GLP2R: variants seen among roughly 807,000 people sequenced by gnomAD.
The protein encoded by GLP2R is glucagon-like peptide 2 receptor.
GLP2R carries 59 observed loss-of-function variants against 68.2 expected under a neutral mutation model. The observed-to-expected ratio is 0.87, with a 90% confidence interval of 0.70 to 1.07. The LOEUF (loss-of-function observed/expected upper bound fraction) is 1.07, where lower values mean the gene tolerates loss of function less well. Ranked by LOEUF, GLP2R falls within the 50% of genes least tolerant of loss-of-function variation. GLP2R has a pLI of 0.00. For synonymous variants in GLP2R, 270 were observed against 265.4 expected, an observed-to-expected ratio of 1.02 and a Z score of -0.17; for missense variants, 548 against 677.4, an observed-to-expected ratio of 0.81 and a Z score of 2.12.
chr17:9,829,343 G>A (rs1192890682), intron 1 of GLP2R, among the ~76,000 whole-genome samples: 1 of 148,118 alleles, frequency 6.8e-6, no homozygotes, highest in Non-Finnish European at 1.5e-5. Flanking sequence ...TTTTTTTGGT[G>A]AGGGTAGACA....
intron 6 of GLP2R, among the ~76,000 whole-genome samples, chr17:9,859,655 A>G (rs1459124091): frequency 6.8e-6 from 1 of 148,016 alleles, no homozygotes; most frequent in Non-Finnish European, 1.5e-5. Flanking sequence ...ATATATATAC[A>G]TACATATACA....
chr17:9,836,014 G>A (rs2066726498), intron 2 of GLP2R, among the ~76,000 whole-genome samples: 1 of 140,746 alleles, frequency 7.1e-6, no homozygotes, highest in Admixed American at 7.6e-5. Context: ...ACTCCAGCCT[G>A]GGCAATACAG....
At chr17:9,847,867 C>T (rs1215641924) in intron 4 of GLP2R, among the ~76,000 whole-genome samples, 3 of 152,128 alleles carry the variant, frequency 2.0e-5, no homozygotes, top group Admixed American at 6.5e-5. Context: ...CCTAATCTTC[C>T]ATCAAGGCGC....
intron 1 of GLP2R, among the ~76,000 whole-genome samples, chr17:9,829,934 C>T (rs778115698): frequency 1.7e-4 from 26 of 152,192 alleles, no homozygotes; most frequent in Non-Finnish European, 2.8e-4. Context: ...AATCCCTTCT[C>T]GGCCAAGTTC....
chr17:9,857,517 T>C lies in GLP2R; in HGVS notation c.706T>C (p.Tyr236His). ...TGTACTGGTGAAGGACGTCGTCTTCTACAACTCTTACTCCAAGAGGCCTGA... is the reference window on the plus strand; with the variant it reads ...TGTACTGGTGAAGGACGTCGTCTTCCACAACTCTTACTCCAAGAGGCCTGA... Reference protein sequence around the residue: ...LAVLVKDVVFYNSYSKRPDNE... With the variant: ...LAVLVKDVVFHNSYSKRPDNE... The change falls in exon 6 of 13, where the codon TAC becomes CAC. Residue 236 changes from tyrosine (Y) to histidine (H), a missense_variant. Transcript: ENST00000262441. 6.2e-7 allele frequency: 1 copy of C among 1,614,110 alleles called. No homozygotes were observed. The highest frequency in any genetic ancestry group is 2.2e-5 in the East Asian group (1 of 44,884).
In GLP2R at chr17:9,890,272, C is replaced by T; in HGVS notation, c.*567C>T. The T allele has an allele frequency of 3.0e-6, 1 of 338,510 alleles. No homozygotes were observed. Among genetic ancestry groups the T allele is most frequent in the Non-Finnish European group, 5.8e-6 (1 of 173,196 alleles). 21.0% of individuals were successfully genotyped at this position (338,510 alleles called of 1,614,324 possible). A position where few individuals can be genotyped will look rare whatever the true frequency, so the allele number is the denominator to read the frequency against. ...GGGCAGGGTGAGAGGGAGCTAGAAG[C>T]GCCCCCATGTGGCCATGGCAGGATG... On this transcript the variant is annotated 3_prime_UTR_variant, in exon 13 of 13. Coordinates refer to ENST00000262441, the MANE Select transcript of GLP2R (RefSeq NM_004246.3).
intron 10 of GLP2R, among the ~76,000 whole-genome samples, chr17:9,872,640 C>T (rs2067105743): frequency 6.6e-6 from 1 of 152,160 alleles, no homozygotes; most frequent in South Asian, 2.1e-4. Flanking sequence ...AGCATGCATT[C>T]TACTTTGCTA....
At chr17:9,844,646 C>T (rs4791887) in intron 4 of GLP2R, among the ~76,000 whole-genome samples, 1 of 111,266 alleles carries the variant, frequency 9.0e-6, no homozygotes, top group East Asian at 2.3e-4. Context: ...CCTTTGGATT[C>T]TCAATATTTT....
chr17:9,872,500 T>C (rs1055677755), intron 10 of GLP2R, among the ~76,000 whole-genome samples: 2 of 152,106 alleles, frequency 1.3e-5, no homozygotes, highest in African/African-American at 4.8e-5. Flanking sequence ...TCACTTGAAT[T>C]CGGGAGGCGG....
intron 11 of GLP2R, among the ~76,000 whole-genome samples, chr17:9,885,267 G>A (rs944363386): frequency 6.6e-6 from 1 of 151,308 alleles, no homozygotes; most frequent in Non-Finnish European, 1.5e-5. Context: ...TCGGCTCACC[G>A]CAACCTCCAC....
At chr17:9,881,186 C>T (rs2067190993) in intron 11 of GLP2R, among the ~76,000 whole-genome samples, 1 of 152,150 alleles carries the variant, frequency 6.6e-6, no homozygotes, top group Non-Finnish European at 1.5e-5. Context: ...GTCTTCTTCA[C>T]TCACATGACT....
chr17:9,859,961 C>T lies in GLP2R; in HGVS notation c.785C>T (p.Ser262Leu). ...CTGCAGATGTCCACCTCCTGCCGCT[C>T]AGTCCAGGTTCTCTTGCATTACTTT... is the stretch of plus-strand genomic sequence containing the variant. ...YLSEMSTSCR[S>L]VQVLLHYFVG... Residue 262 changes from serine (S) to leucine (L), a missense_variant, in exon 7 of 13, where the codon TCA becomes TTA. Coordinates refer to ENST00000262441, the MANE Select transcript of GLP2R (RefSeq NM_004246.3). The T allele has an allele frequency of 6.2e-7, 1 of 1,608,950 alleles. No homozygotes were observed. The highest frequency in any genetic ancestry group is 8.5e-7 in the Non-Finnish European group (1 of 1,177,908).
intron 6 of GLP2R, among the ~76,000 whole-genome samples, 159 bp from the exon 7 acceptor site, chr17:9,859,783 T>C (rs2066968816): frequency 7.9e-6 from 1 of 127,168 alleles, no homozygotes; most frequent in Non-Finnish European, 1.6e-5. Flanking sequence ...ATTGCACCTC[T>C]GCACTCCATC....
intron 11 of GLP2R, among the ~76,000 whole-genome samples, chr17:9,884,646 G>T (rs1429845829): frequency 6.6e-6 from 1 of 152,190 alleles, no homozygotes; most frequent in African/African-American, 2.4e-5. Flanking sequence ...AGGCCGAGGA[G>T]CCAGAGCCTG....
chr17:9,834,373 T>G (rs1458872633), intron 2 of GLP2R, among the ~76,000 whole-genome samples: 1 of 152,174 alleles, frequency 6.6e-6, no homozygotes, highest in East Asian at 1.9e-4. Flanking sequence ...TATGACATGA[T>G]TATCTGCTGT....
chr17:9,859,819 CAAAAAAAAAA>C lies in GLP2R; in HGVS notation c.766-105_766-96del, dbSNP rs10567375. 1.0e-3 allele frequency: 150 copies of C among 143,896 alleles called. 1 individual carries two copies. The South Asian group carries it at 0.011, about 10-fold the overall frequency. The allele number at this position is 143,896 out of a possible 1,614,324, so 8.9% of individuals were successfully genotyped here. A position where few individuals can be genotyped will look rare whatever the true frequency, so the allele number is the denominator to read the frequency against. On this transcript the variant is annotated intron_variant, in intron 6 of 12. Transcript: ENST00000262441. ...CTGGCAACAGAGTGAGATTCTGTCT[CAAAAAAAAAA>C]AAAAAAAAAAAAAAAAAGAGGGAGA...
chr17:9,850,377 A>T (rs1015536682), intron 4 of GLP2R, among the ~76,000 whole-genome samples: 1 of 152,192 alleles, frequency 6.6e-6, no homozygotes, highest in Non-Finnish European at 1.5e-5. Flanking sequence ...AATTCAGTAC[A>T]CAGCTGCTTA....
chr17:9,851,955 G>T (rs540642084), intron 4 of GLP2R, among the ~76,000 whole-genome samples: 4 of 150,050 alleles, frequency 2.7e-5, no homozygotes, highest in Non-Finnish European at 5.9e-5. Context: ...AAATAAATTA[G>T]TAAATATTTT....
intron 1 of GLP2R, among the ~76,000 whole-genome samples, chr17:9,832,419 A>G (rs907857203): frequency 1.3e-5 from 2 of 152,162 alleles, no homozygotes; most frequent in East Asian, 3.9e-4. Context: ...CTAAAAATAC[A>G]AAAATTAGCC....
Sources: gnomAD v4.1 joint callset for allele counts (sites outside exome capture counted in the v4.1 genomes callset) on GRCh38, gnomAD v4.1.1 for gene constraint, MANE v1.5 for transcripts, NCBI Gene and HGNC (gene_info 2026-07-23, HGNC 2026-07-21) for gene names.